Variants in PSPH observed in about 807,000 individuals in gnomAD.
PSPH encodes the protein L-3-phosphoserine phosphatase.
Under a neutral mutation model 23.4 loss-of-function variants are expected in PSPH, and 16 were observed. That is an observed-to-expected ratio of 0.68 (90% confidence interval 0.46 to 1.04). The LOEUF (loss-of-function observed/expected upper bound fraction) is 1.04. Ranked by LOEUF, PSPH falls within the 50% of genes least tolerant of loss-of-function variation. PSPH has a pLI of 0.00. For synonymous variants in PSPH, 68 were observed against 99.7 expected (o/e 0.68, Z 1.89); for missense variants, 223 against 273.7 (o/e 0.81, Z 1.31).
rs186331389 is a variant in PSPH at position 56,023,533 on chromosome 7, G to T, written c.-19-2302C>A. Among the ~76,000 whole-genome samples the T allele has an allele frequency of 1.8e-3, 277 of 152,156 alleles. 1 individual carries two copies. Among genetic ancestry groups the T allele is most frequent in the Non-Finnish European group, 3.1e-3 (209 of 67,998 alleles). On this transcript the variant is annotated intron_variant, in intron 3 of 7. Coordinates refer to ENST00000275605, the MANE Select transcript of PSPH (RefSeq NM_004577.4). The stretch of plus-strand genomic sequence containing the variant: ...CCACCTAGGTCTCCCAAATTGCTGG[G>T]ATTACAGGCATGAGCCCCCATGCCT...
chr7:56,036,165 T>G (rs1465035976), intron 1 of PSPH, among the ~76,000 whole-genome samples: 1 of 151,872 alleles, frequency 6.6e-6, no homozygotes, highest in Non-Finnish European at 1.5e-5. Flanking sequence ...AGGCAGAGGT[T>G]GCAGTGAGCT....
intron 3 of PSPH, among the ~76,000 whole-genome samples, chr7:56,029,993 A>AAG (rs1790746174): frequency 1.1e-5 from 1 of 88,416 alleles, no homozygotes; most frequent in Non-Finnish European, 2.6e-5. Flanking sequence ...AAAAAAAAAG[A>AAG]AAAAAAAAAA....
At chr7:56,013,154 T>TACACAC (rs1491339226) in intron 7 of PSPH, among the ~76,000 whole-genome samples, 3 of 72,342 alleles carry the variant, frequency 4.1e-5, no homozygotes, top group African/African-American at 1.4e-4. Flanking sequence ...TGTGTATGTG[T>TACACAC]ATACACACAC....
chr7:56,021,068 C>T lies in PSPH; in HGVS notation c.140+5G>A, dbSNP rs1233605773. ...TTTCATAAAGTGAATAAATGCTATC[C>T]CTACATTTCTGACACCGCGTCCTCA... On this transcript the variant is annotated splice_donor_5th_base_variant and intron_variant, in intron 4 of 7. Coordinates refer to ENST00000275605, the MANE Select transcript of PSPH (RefSeq NM_004577.4). 2 of 1,614,080 alleles carry T rather than the reference C, an allele frequency of 1.2e-6. No homozygotes were observed. Among genetic ancestry groups the T allele is most frequent in the East Asian group, 2.2e-5 (1 of 44,900 alleles).
At chr7:56,050,641 A>C (rs1793911235) in intron 1 of PSPH, among the ~76,000 whole-genome samples, 1 of 152,206 alleles carries the variant, frequency 6.6e-6, no homozygotes, top group African/African-American at 2.4e-5. Context: ...GATATGGCAC[A>C]ATCTCCAAGA....
In PSPH at chr7:56,019,715, C is replaced by T. The variant is rs964520949; in HGVS notation, c.160G>A (p.Gly54Arg). The T allele has an allele frequency of 8.9e-5, 143 of 1,613,584 alleles. No homozygotes were observed. Among genetic ancestry groups the T allele is most frequent in the East Asian group, 4.5e-5 (2 of 44,884 alleles). ...AGAGCAGCTTTGAAAGGCACTGCCC[C>T]GCCCATGGCTCGCCGTGTCCTAGGA... Reference protein sequence around the residue: ...VSEMTRRAMGGAVPFKAALTE... With the variant: ...VSEMTRRAMGRAVPFKAALTE... Residue 54 changes from glycine to arginine, a missense_variant, in exon 5 of 8, where the codon GGG becomes AGG. Transcript: ENST00000275605.
intron 5 of PSPH, 96 bp downstream of exon 5, chr7:56,019,504 C>G: frequency 6.7e-7 from 1 of 1,485,628 alleles, no homozygotes. Context: ...AATAAACCAC[C>G]CAGAGGGCAC....
intron 3 of PSPH, among the ~76,000 whole-genome samples, chr7:56,024,425 A>G (rs1157830972): frequency 1.3e-4 from 20 of 152,052 alleles, no homozygotes; most frequent in Non-Finnish European, 1.5e-5. Flanking sequence ...GAAGAATAAT[A>G]TTTTTTGACA....
intron 5 of PSPH, 113 bp from the exon 6 acceptor site, chr7:56,017,492 C>A (rs561882446): frequency 6.6e-7 from 1 of 1,525,364 alleles, no homozygotes; most frequent in East Asian, 2.4e-5. Context: ...AATGCATTTG[C>A]CTGAGGTATG....
intron 3 of PSPH, among the ~76,000 whole-genome samples, chr7:56,023,880 G>T (rs1285835580): frequency 1.3e-5 from 2 of 151,960 alleles, no homozygotes; most frequent in East Asian, 1.9e-4. Flanking sequence ...GTTTGGTATG[G>T]CTCACAAGTA....
intron 1 of PSPH, among the ~76,000 whole-genome samples, chr7:56,038,993 A>C (rs1792116741): frequency 2.0e-5 from 3 of 151,972 alleles, no homozygotes. Flanking sequence ...AAAATACAAA[A>C]TTAGCTGGGT....
At chr7:56,034,777 A>G (rs1371027757) in intron 1 of PSPH, among the ~76,000 whole-genome samples, 3 of 152,170 alleles carry the variant, frequency 2.0e-5, no homozygotes, top group Non-Finnish European at 2.9e-5. Context: ...TGGCCTCCCA[A>G]AGTGCTGGGA....
chr7:56,045,917 T>A (rs2117189549), intron 1 of PSPH, among the ~76,000 whole-genome samples: 1 of 147,378 alleles, frequency 6.8e-6, no homozygotes, highest in Admixed American at 6.8e-5. Flanking sequence ...AAGAAACAAG[T>A]CTCCTGTGTC....
rs540981320 is a variant in PSPH at position 56,014,515 on chromosome 7, T to C, written c.570+508A>G. On this transcript the variant is annotated intron_variant, in intron 7 of 7. Coordinates refer to ENST00000275605, the MANE Select transcript of PSPH (RefSeq NM_004577.4). ...GTAGTTCGAAATCAGCTGTTTTTAT[T>C]TTATTTTATTTATTTATTTTGTAGA... Among the ~76,000 whole-genome samples, 246 of 152,288 alleles carry C rather than the reference T, an allele frequency of 1.6e-3. 1 individual carries two copies. Among genetic ancestry groups the C allele is most frequent in the Admixed American group, 2.7e-3 (42 of 15,282 alleles).
At chr7:56,044,735 A>C (rs1205322115) in intron 1 of PSPH, among the ~76,000 whole-genome samples, 1 of 150,966 alleles carries the variant, frequency 6.6e-6, no homozygotes, top group Non-Finnish European at 1.5e-5. Flanking sequence ...AGGAGTTAAA[A>C]GCTGCAGTGA....
chr7:56,034,806 ACG>A (rs1791516415), intron 1 of PSPH, among the ~76,000 whole-genome samples: 2 of 151,976 alleles, frequency 1.3e-5, no homozygotes, highest in Non-Finnish European at 2.9e-5. Flanking sequence ...GTGAGCCACC[ACG>A]CCCGGCCAAG....
intron 3 of PSPH, among the ~76,000 whole-genome samples, chr7:56,025,714 G>A (rs1007159541): frequency 2.0e-5 from 3 of 152,010 alleles, no homozygotes; most frequent in East Asian, 1.9e-4. Flanking sequence ...CTCCCTCAGC[G>A]TTCTGAGTAG....
At chr7:56,029,195 A>G (rs1790610477) in intron 3 of PSPH, among the ~76,000 whole-genome samples, 1 of 152,088 alleles carries the variant, frequency 6.6e-6, no homozygotes, top group African/African-American at 2.4e-5. Context: ...CTATAGGGGG[A>G]AAAAGTCTGC....
chr7:56,023,724 A>G (rs1789776725), intron 3 of PSPH, among the ~76,000 whole-genome samples: 1 of 152,068 alleles, frequency 6.6e-6, no homozygotes, highest in African/African-American at 2.4e-5. Flanking sequence ...ACAGACTCAA[A>G]GCAGTTGAAC....
Sources: allele counts gnomAD v4.1 joint callset (sites outside exome capture counted in the v4.1 genomes callset), GRCh38; gene constraint gnomAD v4.1.1; transcripts MANE v1.5; gene names NCBI Gene and HGNC (gene_info 2026-07-23, HGNC 2026-07-21).